The following GLG1 variants were observed in gnomAD, a reference collection of about 807,000 sequenced individuals.
GLG1 encodes the protein Golgi apparatus protein 1.
A neutral mutation model predicts 160.5 loss-of-function variants in GLG1; 38 were observed. The observed-to-expected ratio is 0.24, with a 90% CI of 0.18 to 0.31. GLG1 has a LOEUF of 0.31. Among genes scored for constraint, GLG1 ranks in the 10% least tolerant of loss-of-function variants. The pLI is 1.00. For synonymous variants in GLG1, 644 were observed against 543.4 expected (o/e 1.19, Z -2.57); for missense variants, 1,373 against 1,505.2 (o/e 0.91, Z 1.45).
At chr16:74,506,580 T>TAAAAAAAA (rs1162306217) in intron 3 of GLG1, among the ~76,000 whole-genome samples, 9 of 1,002 alleles carry the variant, frequency 9.0e-3, no homozygotes, top group Non-Finnish European at 0.028. Context: ...AGACTCCGTC[T>TAAAAAAAA]CAAAAAAAAA....
At chr16:74,525,963 C>G (rs1403503320) in intron 2 of GLG1, among the ~76,000 whole-genome samples, 1 of 152,068 alleles carries the variant, frequency 6.6e-6, no homozygotes, top group African/African-American at 2.4e-5. Flanking sequence ...GGATACCAGC[C>G]TGGGCCACAG....
chr16:74,455,788 C>T (rs983176913), intron 25 of GLG1, among the ~76,000 whole-genome samples: 16 of 152,314 alleles, frequency 1.1e-4, no homozygotes, highest in African/African-American at 3.8e-4. Flanking sequence ...CTGGGCAAGT[C>T]GTGACCTCTG....
At chr16:74,559,400 C>T (rs1289657151) in intron 1 of GLG1, among the ~76,000 whole-genome samples, 1 of 150,936 alleles carries the variant, frequency 6.6e-6, no homozygotes, top group Non-Finnish European at 1.5e-5. Context: ...GCTATGATCA[C>T]ACCACTGCAC....
chr16:74,540,917 T>G (rs2017845369), intron 1 of GLG1, among the ~76,000 whole-genome samples: 1 of 152,200 alleles, frequency 6.6e-6, no homozygotes, highest in African/African-American at 2.4e-5. Flanking sequence ...GGTGTCCACA[T>G]GTAATGAAAG....
At chr16:74,482,010 G>A (rs943664593) in intron 10 of GLG1, among the ~76,000 whole-genome samples, 7 of 152,030 alleles carry the variant, frequency 4.6e-5, no homozygotes, top group Admixed American at 3.9e-4. Flanking sequence ...GGATGGTCTC[G>A]AACTCCTGCC....
chr16:74,484,814 C>T (rs1396788287), intron 9 of GLG1, among the ~76,000 whole-genome samples: 1 of 152,004 alleles, frequency 6.6e-6, no homozygotes, highest in Admixed American at 6.6e-5. Context: ...CGGGGTTTCT[C>T]CATGTTGGTT....
At chr16:74,536,399 A>C (rs1304513170) in intron 1 of GLG1, among the ~76,000 whole-genome samples, 1 of 152,192 alleles carries the variant, frequency 6.6e-6, no homozygotes, top group Non-Finnish European at 1.5e-5. Flanking sequence ...AAATTAGCCA[A>C]CAAGTATATA....
In GLG1 at chr16:74,452,998, C is replaced by T; in HGVS notation, c.*169G>A. ...CTGCACGGTGAGGAGGAGGAGGACA[C>T]CATGGACACGAGTGGAGGCTGGATG... On this transcript the variant is annotated 3_prime_UTR_variant, in exon 26 of 26. Transcript: ENST00000422840. 2 of 1,351,134 alleles carry T rather than the reference C, an allele frequency of 1.5e-6. No individual in the cohort carries two copies. The highest frequency in any genetic ancestry group is 2.8e-5 in the East Asian group (1 of 36,286). 83.7% of individuals were successfully genotyped at this position (1,351,134 alleles called of 1,614,324 possible).
chr16:74,604,692 C>CCT (rs1469093617), intron 1 of GLG1, among the ~76,000 whole-genome samples: 1 of 152,088 alleles, frequency 6.6e-6, no homozygotes, highest in African/African-American at 2.4e-5. Context: ...CTTTCAAACA[C>CCT]ATAGATCAGA....
intron 2 of GLG1, among the ~76,000 whole-genome samples, chr16:74,512,174 T>C (rs1408943330): frequency 1.3e-5 from 2 of 149,708 alleles, no homozygotes; most frequent in African/African-American, 4.9e-5. Flanking sequence ...TTTTTTTTTT[T>C]CTCAGACGGA....
At chr16:74,519,644 G>A (rs1458743547) in intron 2 of GLG1, among the ~76,000 whole-genome samples, 1 of 150,444 alleles carries the variant, frequency 6.6e-6, no homozygotes, top group Non-Finnish European at 1.5e-5. Context: ...TTAAGTCAAA[G>A]CTATGTTGAG....
Position 74,605,551 on chromosome 16 carries a change from C to T in GLG1, c.438+1106G>A, listed in dbSNP as rs2143932314. On this transcript the variant is annotated intron_variant, in intron 1 of 25. Coordinates refer to ENST00000422840, the MANE Select transcript of GLG1 (RefSeq NM_001145667.2). ...GAAGATGAGAAGTCAGGTAAGGCCT[C>T]ACATTTCTAGGGGCTCTGGAAACTT... Among the ~76,000 whole-genome samples the T allele has an allele frequency of 1.3e-5, 2 of 152,278 alleles. 1 individual carries two copies. The highest frequency in any genetic ancestry group is 6.8e-3 in the Middle Eastern group (2 of 294).
At chr16:74,489,485 G>A (rs548964756) in intron 8 of GLG1, among the ~76,000 whole-genome samples, 25 of 151,784 alleles carry the variant, frequency 1.6e-4, no homozygotes, top group Non-Finnish European at 3.2e-4. Flanking sequence ...AAAAAAAAAG[G>A]TAGGTTCATT....
rs888269757 is a variant in GLG1, at chr16:74,567,968, T to A, written c.439-35815A>T. Among the ~76,000 whole-genome samples, 11 of 152,356 alleles carry A rather than the reference T, an allele frequency of 7.2e-5. No individual in the cohort carries two copies. In the East Asian group the frequency reaches 9.6e-4, roughly 13 times the overall value. On this transcript the variant is annotated intron_variant, in intron 1 of 25. Transcript: ENST00000422840. ...CAGTCTGAGTGCTCCAGGTCGGGCC[T>A]CATTCCTGACACAGATAGAGCAAAT... is the stretch of plus-strand genomic sequence containing the variant.
chr16:74,563,697 A>G (rs1421665141), intron 1 of GLG1, among the ~76,000 whole-genome samples: 8 of 144,540 alleles, frequency 5.5e-5, no homozygotes, highest in Non-Finnish European at 1.1e-4. Context: ...ACTATTCTCC[A>G]GCCTGCGCAA....
chr16:74,509,171 T>C (rs1164373057), intron 2 of GLG1, among the ~76,000 whole-genome samples: 1 of 144,566 alleles, frequency 6.9e-6, no homozygotes, highest in African/African-American at 2.5e-5. Flanking sequence ...CAATTTTTTT[T>C]TTTTTTTTTT....
chr16:74,523,701 T>C (rs1446019703), intron 2 of GLG1, among the ~76,000 whole-genome samples: 1 of 151,974 alleles, frequency 6.6e-6, no homozygotes, highest in South Asian at 2.1e-4. Flanking sequence ...TACTTTAAAA[T>C]AATATTAATT....
chr16:74,485,793 T>A lies in GLG1; in HGVS notation c.1571+3A>T, dbSNP rs1228222116. The A allele has an allele frequency of 6.2e-7, 1 of 1,611,700 alleles. No individual in the cohort carries two copies. On this transcript the variant is annotated splice_donor_region_variant and intron_variant, in intron 9 of 25. Transcript: ENST00000422840. The stretch of plus-strand genomic sequence containing the variant: ...GATAAATACCATGGAGAAGATAACT[T>A]ACATTGGGTCTCCAGATCTTATATG...
At chr16:74,580,476 G>A (rs879634362) in intron 1 of GLG1, among the ~76,000 whole-genome samples, 4 of 152,098 alleles carry the variant, frequency 2.6e-5, no homozygotes, top group Admixed American at 6.6e-5. Flanking sequence ...TCCAGCATAG[G>A]AAACAGAGAG....
Sources: gnomAD v4.1 joint callset for allele counts (sites outside exome capture counted in the v4.1 genomes callset) on GRCh38, gnomAD v4.1.1 for gene constraint, MANE v1.5 for transcripts, NCBI Gene and HGNC (gene_info 2026-07-23, HGNC 2026-07-21) for gene names.